The following AGO3 variants were observed in gnomAD, a reference collection of about 807,000 sequenced individuals.
AGO3 encodes protein argonaute-3.
Under a neutral mutation model 105.5 loss-of-function variants are expected in AGO3, and 16 were observed. The ratio of observed to expected loss-of-function variants is 0.15; its 90% CI spans 0.10 to 0.23. The LOEUF (loss-of-function observed/expected upper bound fraction) is 0.23, where lower values mean the gene tolerates loss of function less well. AGO3 is among the 10% of genes least tolerant of loss of function. AGO3 has a pLI of 1.00. For missense variants in AGO3, 534 were observed against 1,088.0 expected, an observed-to-expected ratio of 0.49 and a Z score of 7.16; for synonymous variants, 340 against 367.3, an observed-to-expected ratio of 0.93 and a Z score of 0.85.
chr1:35,969,882 T>C (rs1202223933), intron 3 of AGO3, among the ~76,000 whole-genome samples: 1 of 152,190 alleles, frequency 6.6e-6, no homozygotes, highest in Non-Finnish European at 1.5e-5. Flanking sequence ...TATCTAACTA[T>C]AGAAAAGGTA....
intron 13 of AGO3, among the ~76,000 whole-genome samples, chr1:36,035,263 G>A (rs1455810271): frequency 6.6e-6 from 1 of 152,164 alleles, no homozygotes; most frequent in Non-Finnish European, 1.5e-5. Context: ...AGCCATGTGT[G>A]GTGGCATGTG....
At chr1:35,993,838 C>G (rs1183046173) in intron 5 of AGO3, among the ~76,000 whole-genome samples, 2 of 146,332 alleles carry the variant, frequency 1.4e-5, no homozygotes, top group Non-Finnish European at 3.0e-5. Context: ...ACCTCCACCT[C>G]TCAGGTTCAA....
intron 1 of AGO3, among the ~76,000 whole-genome samples, chr1:35,941,346 G>T (rs956777210): frequency 3.3e-5 from 5 of 151,896 alleles, no homozygotes; most frequent in African/African-American, 1.2e-4. Context: ...TCTGCTGACT[G>T]GTCTCCCTGC....
chr1:35,976,501 A>G (rs1425931203), intron 5 of AGO3, among the ~76,000 whole-genome samples: 2 of 152,156 alleles, frequency 1.3e-5, no homozygotes, highest in South Asian at 2.1e-4. Context: ...ATCAGATTAT[A>G]TAGACTAATT....
At chr1:35,993,797 G>C (rs1647944241) in intron 5 of AGO3, among the ~76,000 whole-genome samples, 1 of 138,440 alleles carries the variant, frequency 7.2e-6, no homozygotes, top group Admixed American at 7.5e-5. Context: ...GCCCAGGCTG[G>C]AGTGCAATGG....
At chr1:35,932,619 A>G (rs1482732882) in intron 1 of AGO3, among the ~76,000 whole-genome samples, 4 of 150,614 alleles carry the variant, frequency 2.7e-5, no homozygotes, top group Non-Finnish European at 5.9e-5. Flanking sequence ...TTTAGACCAT[A>G]TCTCTTTTTC....
rs1021907303 is a variant in AGO3, at chr1:35,945,936, T to G, written c.191+73T>G. 3.5e-6 allele frequency: 5 copies of G among 1,432,368 alleles called. No individual in the cohort carries two copies. The African/African-American group carries it at 5.7e-5, about 16-fold the overall frequency. 88.7% of individuals were successfully genotyped at this position (1,432,368 alleles called of 1,614,324 possible). On this transcript the variant is annotated intron_variant, in intron 2 of 18. Transcript: ENST00000373191. Reference sequence around the variant, plus strand: ...TAATTATCCATGTTTATTTTGTATATCTGAATAACAATTACAATGTGTAAC... The same window carrying G: ...TAATTATCCATGTTTATTTTGTATAGCTGAATAACAATTACAATGTGTAAC...
chr1:36,038,724 TCTC>T (rs1569899008), intron 14 of AGO3, among the ~76,000 whole-genome samples: 1 of 152,120 alleles, frequency 6.6e-6, no homozygotes, highest in East Asian at 1.9e-4. Flanking sequence ...TGAGGTCTCT[TCTC>T]CAAAGACATA....
chr1:36,021,427 T>A (rs529616928), intron 11 of AGO3, among the ~76,000 whole-genome samples: 189 of 152,252 alleles, frequency 1.2e-3, no homozygotes, highest in Non-Finnish European at 2.4e-3. Context: ...TAACATATAC[T>A]GAGATACATG....
chr1:35,945,658 C>T (rs1172132406), intron 1 of AGO3, 34 bp from the exon 2 acceptor site: 1 of 1,603,710 alleles, frequency 6.2e-7, no homozygotes, highest in Non-Finnish European at 8.5e-7. Flanking sequence ...CAGCTTGTAA[C>T]TGTGACTCTT....
intron 1 of AGO3, among the ~76,000 whole-genome samples, chr1:35,933,640 C>CAAAAAAAAAA (rs34254758): frequency 3.2e-5 from 1 of 31,426 alleles, no homozygotes; most frequent in African/African-American, 9.7e-5. Flanking sequence ...GACCCTGTCT[C>CAAAAAAAAAA]AAAAAAAAAA....
chr1:35,952,135 TC>T lies in AGO3; in HGVS notation c.191+6273del, dbSNP rs1557648106. On this transcript the variant is annotated intron_variant, in intron 2 of 18. Coordinates refer to ENST00000373191, the MANE Select transcript of AGO3 (RefSeq NM_024852.4). ...GTCTTTCTTTCTTTCTTTCTTTCTT[TC>T]TTTCTTTCTTTCTTTTTTTTTTTTT... Among the ~76,000 whole-genome samples, 993 of 116,950 alleles carry T rather than the reference TC, an allele frequency of 8.5e-3. 43 individuals are homozygous for T. The highest frequency in any genetic ancestry group is 0.037 in the African/African-American group (942 of 25,634). 76.7% of individuals were successfully genotyped at this position (116,950 alleles called of 152,430 possible).
intron 17 of AGO3, among the ~76,000 whole-genome samples, chr1:36,051,612 CAGGAGGCAGAGGTGGG>C: frequency 6.6e-6 from 1 of 152,084 alleles, no homozygotes; most frequent in Admixed American, 6.6e-5. Flanking sequence ...CCCAGCTACT[CAGGAGGCAGAGGTGGG>C]AGGATCACTG....
At chr1:35,982,053 G>T (rs561765966) in intron 5 of AGO3, among the ~76,000 whole-genome samples, 10 of 152,146 alleles carry the variant, frequency 6.6e-5, no homozygotes, top group Non-Finnish European at 1.3e-4. Context: ...ACAGGTTCTA[G>T]GAGAAAGATG....
At chr1:36,049,947 G>A (rs114845486) in intron 17 of AGO3, among the ~76,000 whole-genome samples, 2,329 of 152,210 alleles carry the variant, frequency 0.015, 50 homozygotes, top group African/African-American at 0.053. Context: ...AAAGAAAGAA[G>A]GAGACTCCAA....
intron 1 of AGO3, among the ~76,000 whole-genome samples, chr1:35,935,837 C>T (rs1646137214): frequency 6.6e-6 from 1 of 152,212 alleles, no homozygotes; most frequent in Non-Finnish European, 1.5e-5. Context: ...TCTAACAAAA[C>T]ATATTATCTT....
intron 5 of AGO3, among the ~76,000 whole-genome samples, chr1:36,000,305 G>C (rs567891351): frequency 1.3e-4 from 20 of 152,182 alleles, no homozygotes; most frequent in Middle Eastern, 6.8e-3. Flanking sequence ...AACTATATTT[G>C]CTGATTTCAA....
chr1:36,009,240 A>G (rs1640477223), intron 8 of AGO3, 196 bp downstream of exon 8: 1 of 830,938 alleles, frequency 1.2e-6, no homozygotes. Context: ...TAATGTAACC[A>G]CTGTTAACAT....
chr1:36,027,757 C>T lies in AGO3; in HGVS notation c.1591+459C>T, dbSNP rs923317291. 3.5e-5 allele frequency among the ~76,000 whole-genome samples: 5 copies of T among 142,834 alleles called. No homozygotes were observed. The highest frequency in any genetic ancestry group is 6.0e-5 in the Non-Finnish European group (4 of 66,694). The allele number at this position is 142,834 out of a possible 152,430, so 93.7% of individuals were successfully genotyped here. A position where few individuals can be genotyped will look rare whatever the true frequency, so the allele number is the denominator to read the frequency against. On this transcript the variant is annotated intron_variant, in intron 12 of 18. Transcript: ENST00000373191. This position sits in a 1 kb window ranked among gnomAD's most constrained non-coding sequence, Gnocchi z 4.0. ...TCGCACCGGTGCACTCCAGCCTGGG[C>T]GACAGAGCGAAAGTCCGTCTCAAAA...
Sources: gnomAD v4.1 joint callset for allele counts (sites outside exome capture counted in the v4.1 genomes callset) on GRCh38, gnomAD v4.1.1 for gene constraint, Gnocchi (gnomAD v3.1) non-coding constraint, MANE v1.5 for transcripts, NCBI Gene and HGNC (gene_info 2026-07-23, HGNC 2026-07-21) for gene names.